The following VPS13D variants were observed in gnomAD, a reference collection of about 807,000 sequenced individuals.
VPS13D encodes intermembrane lipid transfer protein VPS13D.
Under a neutral mutation model 461.9 loss-of-function variants are expected in VPS13D, and 187 were observed. The observed-to-expected ratio is 0.40, with a 90% CI of 0.36 to 0.46. The LOEUF (loss-of-function observed/expected upper bound fraction) is 0.46. Among genes scored for constraint, VPS13D ranks in the 20% least tolerant of loss-of-function variants. The pLI is 0.60. For synonymous variants in VPS13D, 1,951 were observed against 1,986.3 expected (o/e 0.98, Z 0.47); for missense variants, 4,711 against 5,364.9 (o/e 0.88, Z 3.81).
At chr1:12,297,672 A>G (rs1361576946) in intron 24 of VPS13D, among the ~76,000 whole-genome samples, 2 of 152,196 alleles carry the variant, frequency 1.3e-5, no homozygotes, top group Admixed American at 1.3e-4. Flanking sequence ...TTTGATCCTT[A>G]TAACAACCCT....
chr1:12,378,466 A>C lies in VPS13D; in HGVS notation c.10956A>C (p.Gly3652=). The change falls in exon 56 of 70, where the codon GGA becomes GGC. Residue 3652 remains glycine (G), a synonymous_variant. Coordinates refer to ENST00000620676, the MANE Select transcript of VPS13D (RefSeq NM_015378.4). The stretch of plus-strand genomic sequence containing the variant: ...GTTCTCAGCTGTGGAGGATGACAGG[A>C]ACAGGAATGCTGGCCCATGAGGGCT... ...GKRSQLWRMT[G]TGMLAHEGSS... 2 of 1,611,934 alleles carry C rather than the reference A, an allele frequency of 1.2e-6. No individual in the cohort carries two copies. The highest frequency in any genetic ancestry group is 2.2e-5 in the East Asian group (1 of 44,634).
At chr1:12,470,808 A>C (rs936555747) in intron 67 of VPS13D, among the ~76,000 whole-genome samples, 1 of 152,118 alleles carries the variant, frequency 6.6e-6, no homozygotes, top group Non-Finnish European at 1.5e-5. Flanking sequence ...ACAAAATTGC[A>C]TTTGTGCATA....
At chr1:12,338,722 A>G (rs1643503739) in intron 40 of VPS13D, among the ~76,000 whole-genome samples, 1 of 152,178 alleles carries the variant, frequency 6.6e-6, no homozygotes, top group Non-Finnish European at 1.5e-5. Context: ...AGGCACTATA[A>G]TAATAGGGAT....
chr1:12,493,055 A>T (rs1475119954), intron 67 of VPS13D, among the ~76,000 whole-genome samples: 1 of 150,644 alleles, frequency 6.6e-6, no homozygotes, highest in Non-Finnish European at 1.5e-5. Context: ...CTTGTGGTCC[A>T]CGATTGAGTG....
intron 62 of VPS13D, 140 bp downstream of exon 62, chr1:12,401,844 T>C: frequency 3.1e-6 from 2 of 641,064 alleles, no homozygotes; most frequent in South Asian, 4.1e-5. Context: ...AAGCTAAGGC[T>C]TGTGTTTCAG....
At chr1:12,400,953 TGC>T (rs1219516243) in intron 61 of VPS13D, among the ~76,000 whole-genome samples, 25,245 of 135,580 alleles carry the variant, frequency 0.19, 2,464 homozygotes, top group South Asian at 0.22. Context: ...GATGTGCACC[TGC>T]GCGCGCGCAC....
At chr1:12,270,843 G>A (rs1032860478) in intron 16 of VPS13D, 151 bp from the exon 17 acceptor site, 1 of 1,017,016 alleles carries the variant, frequency 9.8e-7, no homozygotes, top group Non-Finnish European at 1.4e-6. Flanking sequence ...GCCTCCCAAA[G>A]TGCTGGGATT....
chr1:12,247,887 T>C (rs1171801141), intron 5 of VPS13D, among the ~76,000 whole-genome samples: 4 of 139,872 alleles, frequency 2.9e-5, no homozygotes, highest in Admixed American at 7.2e-5. Context: ...TATTTTTGTA[T>C]TTTTTTTTTT....
chr1:12,420,801 A>G (rs932324265), intron 65 of VPS13D, among the ~76,000 whole-genome samples: 1 of 152,082 alleles, frequency 6.6e-6, no homozygotes, highest in Non-Finnish European at 1.5e-5. Flanking sequence ...GATGATGGTA[A>G]CTCCCCCTGT....
intron 37 of VPS13D, among the ~76,000 whole-genome samples, chr1:12,330,575 G>A (rs1228061053): frequency 6.6e-6 from 1 of 151,632 alleles, no homozygotes; most frequent in Non-Finnish European, 1.5e-5. Flanking sequence ...GCATTTTTTT[G>A]TTTGTTTTTT....
At chr1:12,336,442 G>T (rs1643452980) in intron 39 of VPS13D, 1 of 152,210 alleles carries the variant, frequency 6.6e-6, no homozygotes, top group Non-Finnish European at 1.5e-5. Context: ...CTGGGGAGAT[G>T]GTGATGGACA....
At chr1:12,247,416 C>CAA (rs756459129) in intron 5 of VPS13D, among the ~76,000 whole-genome samples, 1 of 90,980 alleles carries the variant, frequency 1.1e-5, no homozygotes, top group South Asian at 3.7e-4. Context: ...GACTCCATCT[C>CAA]AAAAAAAAAA....
intron 17 of VPS13D, among the ~76,000 whole-genome samples, chr1:12,272,569 G>A (rs1229545649): frequency 6.6e-6 from 1 of 151,992 alleles, no homozygotes; most frequent in Non-Finnish European, 1.5e-5. Flanking sequence ...ATCATGAATT[G>A]GTGTGTTATT....
At chr1:12,282,082 T>C (rs892097787) in intron 20 of VPS13D, among the ~76,000 whole-genome samples, 2 of 152,202 alleles carry the variant, frequency 1.3e-5, no homozygotes, top group Admixed American at 6.5e-5. Context: ...AGACAAGAGT[T>C]TCACCATGTA....
intron 65 of VPS13D, among the ~76,000 whole-genome samples, chr1:12,453,463 G>T (rs1645288444): frequency 6.6e-6 from 1 of 152,116 alleles, no homozygotes. Context: ...GTCTCTTCAG[G>T]TGGAGATGTG....
intron 5 of VPS13D, among the ~76,000 whole-genome samples, chr1:12,246,551 G>C (rs1640556426): frequency 6.6e-6 from 1 of 152,154 alleles, no homozygotes; most frequent in Admixed American, 6.5e-5. Context: ...TCAGATAAGG[G>C]ATACGTGACC....
chr1:12,277,532 G>A lies in VPS13D; in HGVS notation c.3944G>A (p.Arg1315Gln), dbSNP rs1269283929. 1.9e-6 allele frequency: 3 copies of A among 1,613,994 alleles called. No homozygotes were observed. The highest frequency in any genetic ancestry group is 1.3e-5 in the African/African-American group (1 of 75,010). The change falls in exon 19 of 70, where the codon CGA becomes CAA. Residue 1315 changes from arginine to glutamine, a missense_variant. Arg to Gln is a conservative substitution (Grantham distance 43, BLOSUM62 1). Coordinates refer to ENST00000620676, the MANE Select transcript of VPS13D (RefSeq NM_015378.4). ...LSMDELEENFRGMLKSAATKV... is the reference protein window; with the variant it reads ...LSMDELEENFQGMLKSAATKV... Reference sequence around the variant, plus strand: ...ATGGATGAACTGGAAGAAAATTTTCGAGGTATGCTGAAAAGCGCAGCCACC... The same window carrying A: ...ATGGATGAACTGGAAGAAAATTTTCAAGGTATGCTGAAAAGCGCAGCCACC...
chr1:12,298,460 T>A (rs915221958), intron 24 of VPS13D, among the ~76,000 whole-genome samples: 3 of 152,048 alleles, frequency 2.0e-5, no homozygotes, highest in Non-Finnish European at 1.5e-5. Flanking sequence ...GCCAACATGG[T>A]GAAACCCCAT....
In VPS13D at chr1:12,475,323, T is replaced by C. The variant is rs115328475; in HGVS notation, c.12662+14927T>C. On this transcript the variant is annotated intron_variant, in intron 67 of 69. Coordinates refer to ENST00000620676, the MANE Select transcript of VPS13D (RefSeq NM_015378.4). ...CTCCCCCATACAAAGGGGGAGAGGG[T>C]CATCCTTGCCCTGGTCATGTCTGCA... Among the ~76,000 whole-genome samples, 1,046 of 152,038 alleles carry C rather than the reference T, an allele frequency of 6.9e-3. 10 individuals carry two copies. The highest frequency in any genetic ancestry group is 0.023 in the African/African-American group (955 of 41,446).
Sources: allele counts gnomAD v4.1 joint callset (sites outside exome capture counted in the v4.1 genomes callset), GRCh38; gene constraint gnomAD v4.1.1; transcripts MANE v1.5; gene names NCBI Gene and HGNC (gene_info 2026-07-23, HGNC 2026-07-21).